The following SERPINB8 variants were observed in gnomAD, a reference collection of about 807,000 sequenced individuals.
SERPINB8 encodes serpin B8.
In SERPINB8, 25 loss-of-function variants were observed where a neutral mutation model predicts 35.3. The observed-to-expected ratio is 0.71, with a 90% CI of 0.52 to 0.99. SERPINB8 has a LOEUF of 0.99. SERPINB8 is among the 50% of genes least tolerant of loss of function. SERPINB8 has a pLI of 0.00. For synonymous variants in SERPINB8, 186 were observed against 160.8 expected (o/e 1.16, Z -1.19); for missense variants, 484 against 446.5 (o/e 1.08, Z -0.76).
intron 6 of SERPINB8, chr18:63,986,407 C>T: frequency 6.6e-7 from 1 of 1,518,328 alleles, no homozygotes; most frequent in Non-Finnish European, 8.8e-7. Context: ...AACACAATTC[C>T]CTCTCTTTTA....
chr18:64,000,014 G>A (rs896067565), intron 1 of SERPINB8, among the ~76,000 whole-genome samples: 1 of 152,118 alleles, frequency 6.6e-6, no homozygotes. Context: ...ATCAGCCTCA[G>A]CTCTTTGGTT....
At chr18:64,004,148 A>G (rs1367487817) in intron 1 of SERPINB8, among the ~76,000 whole-genome samples, 1 of 96,548 alleles carries the variant, frequency 1.0e-5, no homozygotes, top group Non-Finnish European at 2.3e-5. Context: ...TTTTGCCTAT[A>G]TCTTTTTTGG....
chr18:64,003,216 T>A (rs570159870), intron 1 of SERPINB8, among the ~76,000 whole-genome samples: 1 of 152,266 alleles, frequency 6.6e-6, no homozygotes, highest in Non-Finnish European at 1.5e-5. Flanking sequence ...CTGTTCCTGA[T>A]GCTGAGTTGG....
At chr18:64,019,742 A>C (rs1345621010) in exon 8 of SERPINB8, 3 of 151,530 alleles carry the variant, frequency 2.0e-5, no homozygotes, top group African/African-American at 7.3e-5. Flanking sequence ...TATCAACCTC[A>C]TCAATTGTCA....
At chr18:63,979,758 T>C in intron 2 of SERPINB8, 43 bp from the exon 3 acceptor site, 5 of 1,611,686 alleles carry the variant, frequency 3.1e-6, no homozygotes, top group Non-Finnish European at 4.2e-6. Context: ...TTTGGGAGAG[T>C]ATAATGGCAG....
At chr18:63,991,601 G>A (rs2050825287), downstream of SERPINB8, among the ~76,000 whole-genome samples, 1 of 151,708 alleles carries the variant, frequency 6.6e-6, no homozygotes, top group Admixed American at 6.6e-5. Context: ...CTTAGTTCTA[G>A]TAGCTGTGTT....
At chr18:64,008,544 T>G (rs10782070), downstream of SERPINB8, among the ~76,000 whole-genome samples, 89,443 of 151,394 alleles carry the variant, frequency 0.59, 26,695 homozygotes, top group East Asian at 0.69. Flanking sequence ...CCACCATGCC[T>G]GGCCCATTAC....
At chr18:64,001,046 G>C (rs184671635) in intron 1 of SERPINB8, among the ~76,000 whole-genome samples, 4 of 152,298 alleles carry the variant, frequency 2.6e-5, no homozygotes, top group African/African-American at 9.6e-5. Context: ...TCCACTCTGA[G>C]ATATACTTTG....
intron 3 of SERPINB8, among the ~76,000 whole-genome samples, chr18:63,981,300 T>C (rs2050667632): frequency 6.6e-6 from 1 of 152,268 alleles, no homozygotes; most frequent in South Asian, 2.1e-4. Flanking sequence ...TCTAGTTCCC[T>C]TATAAAGCCT....
At chr18:63,975,702 T>G (rs1188873022) in intron 1 of SERPINB8, among the ~76,000 whole-genome samples, 1 of 152,202 alleles carries the variant, frequency 6.6e-6, no homozygotes, top group South Asian at 2.1e-4. Context: ...CCTTTACACT[T>G]TAAAAAAATA....
chr18:64,006,276 A>G (rs903703624), downstream of SERPINB8, among the ~76,000 whole-genome samples: 2 of 152,198 alleles, frequency 1.3e-5, no homozygotes, highest in Non-Finnish European at 2.9e-5. Context: ...ACATAGGTAT[A>G]TTCTGTGGCC....
At chr18:64,009,699 T>A (rs981256684), downstream of SERPINB8, among the ~76,000 whole-genome samples, 8 of 152,228 alleles carry the variant, frequency 5.3e-5, no homozygotes, top group African/African-American at 1.9e-4. Context: ...CTGCAAAAGT[T>A]TTTTTGTGAA....
intron 1 of SERPINB8, among the ~76,000 whole-genome samples, chr18:63,972,447 A>G (rs2050499763): frequency 6.6e-6 from 1 of 152,146 alleles, no homozygotes; most frequent in African/African-American, 2.4e-5. Flanking sequence ...AATATACTAC[A>G]ATCCATTTAT....
intron 1 of SERPINB8, among the ~76,000 whole-genome samples, chr18:63,999,374 C>A (rs2050864139): frequency 6.6e-6 from 1 of 152,186 alleles, no homozygotes; most frequent in Non-Finnish European, 1.5e-5. Flanking sequence ...CAATGTGTTA[C>A]CTGATATGTG....
intron 1 of SERPINB8, among the ~76,000 whole-genome samples, chr18:64,000,754 C>T (rs2050870405): frequency 1.3e-5 from 2 of 152,170 alleles, no homozygotes; most frequent in Non-Finnish European, 2.9e-5. Flanking sequence ...CTTCCCCTTC[C>T]TCCAGACTCC....
chr18:63,983,075 G>T (rs2050696758), intron 4 of SERPINB8, among the ~76,000 whole-genome samples: 1 of 152,178 alleles, frequency 6.6e-6, no homozygotes, highest in Non-Finnish European at 1.5e-5. Context: ...GGTGCCATTG[G>T]ATAATGGCTG....
intron 1 of SERPINB8, among the ~76,000 whole-genome samples, chr18:63,975,899 G>A (rs2050574322): frequency 6.6e-6 from 1 of 152,166 alleles, no homozygotes; most frequent in East Asian, 1.9e-4. Context: ...AAGAGACCCA[G>A]AAGACCTGTC....
At chr18:63,975,431 C>G (rs988673589) in intron 1 of SERPINB8, among the ~76,000 whole-genome samples, 4 of 152,164 alleles carry the variant, frequency 2.6e-5, no homozygotes, top group Non-Finnish European at 4.4e-5. Context: ...CTAGTATAAG[C>G]TCTGGAGAGG....
chr18:63,997,680 T>C (rs1461719459), intron 1 of SERPINB8, among the ~76,000 whole-genome samples: 1 of 152,216 alleles, frequency 6.6e-6, no homozygotes, highest in Non-Finnish European at 1.5e-5. Flanking sequence ...CCTGCTATAT[T>C]TTCACTGACT....
Sources: gnomAD v4.1 joint callset for allele counts (sites outside exome capture counted in the v4.1 genomes callset) on GRCh38, gnomAD v4.1.1 for gene constraint, MANE v1.5 for transcripts, NCBI Gene and HGNC (gene_info 2026-07-23, HGNC 2026-07-21) for gene names.